The following LRP1B variants were observed in gnomAD, a reference collection of about 807,000 sequenced individuals.
The protein encoded by LRP1B is low-density lipoprotein receptor-related protein 1B.
Under a neutral mutation model 556.6 loss-of-function variants are expected in LRP1B, and 217 were observed. That is an observed-to-expected ratio of 0.39 (90% CI 0.35 to 0.44). LRP1B has a LOEUF of 0.44. LRP1B is among the 20% of genes least tolerant of loss of function. The pLI is 1.00. For missense variants in LRP1B, 5,053 were observed against 5,620.8 expected (o/e 0.90, Z 3.23); for synonymous variants, 2,047 against 1,865.8 (o/e 1.10, Z -2.50).
intron 21 of LRP1B, among the ~76,000 whole-genome samples, chr2:140,915,186 TGAA>T (rs1694538634): frequency 6.6e-6 from 1 of 151,940 alleles, no homozygotes; most frequent in Admixed American, 6.6e-5. Flanking sequence ...TTTAATGAAA[TGAA>T]GAAGGAAGAC....
At chr2:140,234,565 G>C (rs1680612103) in intron 90 of LRP1B, among the ~76,000 whole-genome samples, 1 of 151,264 alleles carries the variant, frequency 6.6e-6, no homozygotes, top group Admixed American at 6.6e-5. Context: ...AAATCCAGTA[G>C]AAGAGATATT....
intron 3 of LRP1B, among the ~76,000 whole-genome samples, chr2:141,431,176 T>C (rs940395107): frequency 1.2e-5 from 1 of 82,678 alleles, no homozygotes; most frequent in African/African-American, 4.2e-5. Context: ...TGAAATAGAT[T>C]ACCATAGATT....
intron 41 of LRP1B, among the ~76,000 whole-genome samples, chr2:140,690,477 T>G (rs1686198877): frequency 6.6e-6 from 1 of 152,162 alleles, no homozygotes; most frequent in Non-Finnish European, 1.5e-5. Context: ...CTTTCTTTTG[T>G]CAGTTTAATT....
At chr2:141,157,534 T>C (rs1425328931) in intron 7 of LRP1B, among the ~76,000 whole-genome samples, 2 of 152,090 alleles carry the variant, frequency 1.3e-5, no homozygotes, top group East Asian at 3.9e-4. Context: ...CATTTTTATA[T>C]TGTTTCGTAC....
chr2:141,612,277 C>T (rs1052528620), intron 2 of LRP1B, among the ~76,000 whole-genome samples: 12 of 152,144 alleles, frequency 7.9e-5, no homozygotes, highest in African/African-American at 2.7e-4. Context: ...GAACATTATA[C>T]CAATTGTCCT....
chr2:141,324,357 C>T (rs1211162117), intron 3 of LRP1B, among the ~76,000 whole-genome samples: 7 of 152,030 alleles, frequency 4.6e-5, no homozygotes, highest in Admixed American at 2.0e-4. Context: ...TACACCCATG[C>T]GAACACTGGT....
At chr2:141,186,299 G>C (rs1265776383) in intron 7 of LRP1B, among the ~76,000 whole-genome samples, 1 of 151,880 alleles carries the variant, frequency 6.6e-6, no homozygotes, top group African/African-American at 2.4e-5. Context: ...AAACCTAGGA[G>C]GAATTTTAGG....
In LRP1B at chr2:140,708,490, A is replaced by C. The variant is rs545918051; in HGVS notation, c.6024-5937T>G. Among the ~76,000 whole-genome samples the C allele has an allele frequency of 4.3e-4, 62 of 145,664 alleles. 1 individual carries two copies. In the South Asian group the frequency reaches 0.012, roughly 29 times the overall value. ...GAAGCGGAAATTATTCACAAACAAA[A>C]AATATTTATATATATGTATATATAT... On this transcript the variant is annotated intron_variant, in intron 37 of 90. Coordinates refer to ENST00000389484, the MANE Select transcript of LRP1B (RefSeq NM_018557.3).
chr2:141,132,687 G>A (rs998744793), intron 7 of LRP1B, among the ~76,000 whole-genome samples: 1 of 151,738 alleles, frequency 6.6e-6, no homozygotes, highest in East Asian at 1.9e-4. Flanking sequence ...TTCTATTTTA[G>A]TATTTACATA....
chr2:140,731,628 C>A (rs773321568), intron 35 of LRP1B, among the ~76,000 whole-genome samples: 6 of 151,830 alleles, frequency 4.0e-5, no homozygotes, highest in Non-Finnish European at 1.5e-5. Context: ...ATTAACTGGG[C>A]GTGGTGGCCC....
chr2:140,683,973 C>T (rs756278850), intron 41 of LRP1B: 9 of 325,780 alleles, frequency 2.8e-5, no homozygotes, highest in Non-Finnish European at 5.2e-5. Flanking sequence ...TGGCAAAGCC[C>T]GCAGTTACTT....
intron 7 of LRP1B, among the ~76,000 whole-genome samples, chr2:141,146,274 G>A (rs1256017959): frequency 3.3e-5 from 5 of 151,974 alleles, no homozygotes; most frequent in Non-Finnish European, 7.4e-5. Context: ...CTCCCATGCC[G>A]GGTTCACTCT....
rs866010551 is a variant in LRP1B at position 140,352,410 on chromosome 2, G to A, written c.11650+543C>T. Among the ~76,000 whole-genome samples, 7 of 152,138 alleles carry A rather than the reference G, an allele frequency of 4.6e-5. No individual in the cohort carries two copies. The Middle Eastern group carries it at 0.01, about 222-fold the overall frequency. On this transcript the variant is annotated intron_variant, in intron 76 of 90. Coordinates refer to ENST00000389484, the MANE Select transcript of LRP1B (RefSeq NM_018557.3). ...AGGTTGTTCTTGAACTCCTGATCTCGTGATCCACTCGCCTTGGCCTCCCAA... is the reference window on the plus strand; with the variant it reads ...AGGTTGTTCTTGAACTCCTGATCTCATGATCCACTCGCCTTGGCCTCCCAA...
intron 3 of LRP1B, among the ~76,000 whole-genome samples, chr2:141,368,396 T>C (rs1474603622): frequency 6.6e-6 from 1 of 152,096 alleles, no homozygotes; most frequent in African/African-American, 2.4e-5. Flanking sequence ...AAGAGGAGGA[T>C]GCATAAAGAG....
At chr2:141,239,996 T>C (rs1418419032) in intron 5 of LRP1B, among the ~76,000 whole-genome samples, 1 of 152,106 alleles carries the variant, frequency 6.6e-6, no homozygotes, top group Non-Finnish European at 1.5e-5. Context: ...AGCTATGTTC[T>C]TTGTAACTTG....
chr2:142,099,882 A>G (rs1035665711), intron 1 of LRP1B, among the ~76,000 whole-genome samples: 1 of 151,920 alleles, frequency 6.6e-6, no homozygotes, highest in Admixed American at 6.6e-5. Flanking sequence ...TACATCAATG[A>G]TTGGAAAGTT....
chr2:141,071,531 G>T (rs1459761373), intron 7 of LRP1B, among the ~76,000 whole-genome samples: 2 of 152,116 alleles, frequency 1.3e-5, no homozygotes, highest in Non-Finnish European at 2.9e-5. Flanking sequence ...AGGAAATAAA[G>T]GGTATTCAAT....
In LRP1B at chr2:141,119,750, GTT is replaced by G. The variant is rs1700999254; in HGVS notation, c.1014-57479_1014-57478del. ...TGTGTGTGTGTGTCTGTGTGTGTGT[GTT>G]AATTCAACTCAACTCAGAAAATCCA... On this transcript the variant is annotated intron_variant, in intron 7 of 90. Transcript: ENST00000389484. Among the ~76,000 whole-genome samples the G allele has an allele frequency of 5.3e-5, 8 of 151,720 alleles. No individual in the cohort carries two copies. In the South Asian group the frequency reaches 1.7e-3, roughly 32 times the overall value.
intron 1 of LRP1B, among the ~76,000 whole-genome samples, chr2:142,042,288 C>G (rs995365241): frequency 8.6e-5 from 13 of 151,338 alleles, no homozygotes; most frequent in Non-Finnish European, 1.8e-4. Flanking sequence ...TTAAATAGCA[C>G]ATAGGTCAGT....
Sources: allele counts gnomAD v4.1 joint callset (sites outside exome capture counted in the v4.1 genomes callset), GRCh38; gene constraint gnomAD v4.1.1; transcripts MANE v1.5; gene names NCBI Gene and HGNC (gene_info 2026-07-23, HGNC 2026-07-21).